The following EPB41L4A variants were observed in gnomAD, a reference collection of about 807,000 sequenced individuals.
The protein encoded by EPB41L4A is band 4.1-like protein 4A.
In EPB41L4A, 100 loss-of-function variants were observed where a neutral mutation model predicts 108.6. The observed-to-expected ratio is 0.92, with a 90% CI of 0.78 to 1.09. The LOEUF is 1.09. Ranked by LOEUF, EPB41L4A falls within the 50% of genes least tolerant of loss-of-function variation. The pLI, the probability that EPB41L4A is intolerant of heterozygous loss-of-function variation, is 0.00. For synonymous variants in EPB41L4A, 319 were observed against 289.0 expected, an observed-to-expected ratio of 1.10 and a Z score of -1.05; for missense variants, 1,030 against 842.7, an observed-to-expected ratio of 1.22 and a Z score of -2.75.
At chr5:112,185,765 A>T (rs80140163) in intron 17 of EPB41L4A, among the ~76,000 whole-genome samples, 1 of 152,174 alleles carries the variant, frequency 6.6e-6, no homozygotes, top group Admixed American at 6.5e-5. Flanking sequence ...ATGAGAAGGT[A>T]TACTACTTGA....
intron 1 of EPB41L4A, among the ~76,000 whole-genome samples, chr5:112,361,909 T>C (rs1013927343): frequency 6.6e-6 from 1 of 151,998 alleles, no homozygotes; most frequent in Non-Finnish European, 1.5e-5. Context: ...TTAAAAGTAA[T>C]TATCAGAGAA....
chr5:112,311,893 G>A (rs1244636384), intron 1 of EPB41L4A, among the ~76,000 whole-genome samples: 2 of 152,124 alleles, frequency 1.3e-5, no homozygotes, highest in Admixed American at 6.5e-5. Flanking sequence ...GAAACAGATG[G>A]AATAACTAGA....
intron 6 of EPB41L4A, 79 bp downstream of exon 6, chr5:112,264,817 T>C: frequency 7.1e-7 from 1 of 1,409,920 alleles, no homozygotes; most frequent in East Asian, 2.4e-5. Context: ...GAATTTATCA[T>C]TCTAGAAACT....
intron 1 of EPB41L4A, among the ~76,000 whole-genome samples, chr5:112,370,216 T>C (rs1370593846): frequency 2.6e-5 from 4 of 151,742 alleles, no homozygotes; most frequent in African/African-American, 7.2e-5. Context: ...TTTTTACATT[T>C]TGTAAAGACA....
At chr5:112,249,484 A>G (rs750015353) in intron 9 of EPB41L4A, 51 of 152,318 alleles carry the variant, frequency 3.3e-4, no homozygotes, top group Middle Eastern at 3.4e-3. Flanking sequence ...ATCTTTCTAA[A>G]TGGTGAAACT....
intron 12 of EPB41L4A, among the ~76,000 whole-genome samples, chr5:112,227,694 C>A (rs1452195193): frequency 2.0e-5 from 3 of 152,198 alleles, no homozygotes; most frequent in African/African-American, 7.2e-5. Flanking sequence ...ACAAGCCACA[C>A]TGAGGTTCTG....
intron 17 of EPB41L4A, among the ~76,000 whole-genome samples, chr5:112,194,329 C>T (rs954530721): frequency 3.3e-5 from 5 of 150,752 alleles, no homozygotes; most frequent in Non-Finnish European, 7.4e-5. Flanking sequence ...TCTTTTAAAA[C>T]ACACACACAC....
rs1762578464 is a variant in EPB41L4A, at chr5:112,208,524, A to AT, written c.1178+1367dup. On this transcript the variant is annotated intron_variant, in intron 13 of 22. Transcript: ENST00000261486. ...TCTCACTTATAAGTGGGAACTAAAC[A>AT]TTGAGTACACATGGACATAAAGATG... Among the ~76,000 whole-genome samples the AT allele has an allele frequency of 2.0e-5, 3 of 152,270 alleles. No homozygotes were observed. In the South Asian group the frequency reaches 6.2e-4, roughly 32 times the overall value.
Position 112,395,180 on chromosome 5 carries a change from C to T in EPB41L4A, c.99+23761G>A, listed in dbSNP as rs1761247130. Among the ~76,000 whole-genome samples the T allele has an allele frequency of 1.3e-5, 2 of 152,186 alleles. 1 individual carries two copies. Among genetic ancestry groups the T allele is most frequent in the South Asian group, 4.1e-4 (2 of 4,828 alleles). The stretch of plus-strand genomic sequence containing the variant: ...TAGGCAATACCATTCAGGACATAGG[C>T]ATGGGCAAGGATTTCATGTCTAAAA... On this transcript the variant is annotated intron_variant, in intron 1 of 22. Coordinates refer to ENST00000261486, the MANE Select transcript of EPB41L4A (RefSeq NM_022140.5).
At chr5:112,183,761 T>A (rs1560057) in intron 18 of EPB41L4A, among the ~76,000 whole-genome samples, 115,027 of 152,210 alleles carry the variant, frequency 0.76, 43,907 homozygotes, top group East Asian at 1. Context: ...GGTGAATGTA[T>A]ACTTTGGTTA....
At chr5:112,173,925 A>G (rs1394769663) in intron 18 of EPB41L4A, among the ~76,000 whole-genome samples, 2 of 152,206 alleles carry the variant, frequency 1.3e-5, no homozygotes, top group African/African-American at 2.4e-5. Context: ...TGCAGGCGTG[A>G]GCCACTGTGC....
At chr5:112,392,918 T>C (rs1253092407) in intron 1 of EPB41L4A, 1 of 152,136 alleles carries the variant, frequency 6.6e-6, no homozygotes, top group Non-Finnish European at 1.5e-5. Flanking sequence ...ATCAAATTAG[T>C]ATTCAGGACT....
chr5:112,368,983 G>C (rs576365934), intron 1 of EPB41L4A, among the ~76,000 whole-genome samples: 4 of 152,128 alleles, frequency 2.6e-5, no homozygotes, highest in African/African-American at 9.7e-5. Flanking sequence ...GCAGAAAGTT[G>C]TATCTCCTTC....
chr5:112,156,659 T>C (rs943513830), intron 12 of EPB41L4A, among the ~76,000 whole-genome samples: 2 of 152,244 alleles, frequency 1.3e-5, no homozygotes, highest in Non-Finnish European at 2.9e-5. Context: ...CTGAAGATCC[T>C]GTGATCCAGA....
intron 2 of EPB41L4A, among the ~76,000 whole-genome samples, chr5:112,298,396 G>T (rs1202964524): frequency 6.6e-6 from 1 of 152,080 alleles, no homozygotes; most frequent in Non-Finnish European, 1.5e-5. Flanking sequence ...AATCATAAAG[G>T]GATGCAGAAT....
intron 2 of EPB41L4A, among the ~76,000 whole-genome samples, chr5:112,298,145 T>A (rs989900398): frequency 6.6e-5 from 10 of 152,184 alleles, no homozygotes; most frequent in African/African-American, 2.4e-4. Context: ...GTAGGATTGT[T>A]TTTTCTAGTT....
At chr5:112,230,340 C>T (rs1278420324) in intron 12 of EPB41L4A, among the ~76,000 whole-genome samples, 2 of 152,174 alleles carry the variant, frequency 1.3e-5, no homozygotes, top group Non-Finnish European at 2.9e-5. Flanking sequence ...AGTTTACATT[C>T]CAACCAGCAG....
intron 1 of EPB41L4A, among the ~76,000 whole-genome samples, chr5:112,324,927 A>G (rs1271952930): frequency 6.6e-6 from 1 of 152,188 alleles, no homozygotes; most frequent in East Asian, 1.9e-4. Flanking sequence ...ATGAGCTACA[A>G]CAATCTTTTT....
chr5:112,174,224 TTA>T (rs2150211791), intron 18 of EPB41L4A, among the ~76,000 whole-genome samples: 1 of 152,350 alleles, frequency 6.6e-6, no homozygotes, highest in South Asian at 2.1e-4. Flanking sequence ...TGTATTATTT[TTA>T]TGCTTACATC....
Sources: gnomAD v4.1 joint callset for allele counts (sites outside exome capture counted in the v4.1 genomes callset) on GRCh38, gnomAD v4.1.1 for gene constraint, MANE v1.5 for transcripts, NCBI Gene and HGNC (gene_info 2026-07-23, HGNC 2026-07-21) for gene names.